MAPK8IP3: variants seen among roughly 807,000 people sequenced by gnomAD.
MAPK8IP3 encodes the protein C-Jun-amino-terminal kinase-interacting protein 3.
Under a neutral mutation model 157.8 loss-of-function variants are expected in MAPK8IP3, and 49 were observed. That is an observed-to-expected ratio of 0.31 (90% CI 0.25 to 0.39). MAPK8IP3 has a LOEUF of 0.39. Among genes scored for constraint, MAPK8IP3 ranks in the 10% least tolerant of loss-of-function variants. MAPK8IP3 has a pLI of 1.00. For missense variants in MAPK8IP3, 1,478 were observed against 1,889.4 expected (o/e 0.78, Z 4.04); for synonymous variants, 897 against 777.7 (o/e 1.15, Z -2.55).
chr16:1,764,427 A>G lies in MAPK8IP3; in HGVS notation c.2248A>G (p.Lys750Glu), dbSNP rs2042137171. Residue 750 changes from lysine (K) to glutamate (E), a missense_variant, in exon 19 of 32, where the codon AAG (lysine) becomes GAG (glutamate). Around this residue, in one of 11 missense-constraint regions of MAPK8IP3, gnomAD observed 669 missense variants for 759.8 expected, o/e 0.88. Transcript: ENST00000610761. ...CGACCGCGAAGGAGACGGCGAGCCC[A>G]AGAGCGCCCACACGTCTCCCGAGAA... ...TCDREGDGEP[K>E]SAHTSPEKKK... The G allele has an allele frequency of 6.2e-7, 1 of 1,607,714 alleles. No individual in the cohort carries two copies. The highest frequency in any genetic ancestry group is 1.3e-5 in the African/African-American group (1 of 74,850).
rs560828179 is a variant in MAPK8IP3, at chr16:1,766,380, G to A, written c.2790G>A (p.Pro930=). 591 of 1,611,668 alleles carry A rather than the reference G, an allele frequency of 3.7e-4. 4 individuals carry two copies. The South Asian group carries it at 5.9e-3, about 16-fold the overall frequency. Residue 930 remains proline, a synonymous_variant, in exon 22 of 32, where the codon CCG becomes CCA. Transcript: ENST00000610761. The stretch of plus-strand genomic sequence containing the variant: ...AGCACGTCTTCACTGACCCAGCCCC[G>A]ACCCCGTCCTCTGGCCCCCAGCCTG... ...LTEHVFTDPA[P]TPSSGPQPGS...
intron 8 of MAPK8IP3, chr16:1,752,387 C>T: frequency 3.8e-6 from 1 of 260,816 alleles, no homozygotes; most frequent in Non-Finnish European, 7.8e-6. Flanking sequence ...GCACGACAGG[C>T]TGCTCTTGGG....
Position 1,724,680 on chromosome 16 carries a change from A to G in MAPK8IP3, c.439+3A>G. 1 of 1,609,814 alleles carries G rather than the reference A, an allele frequency of 6.2e-7. No homozygotes were observed. The highest frequency in any genetic ancestry group is 8.5e-7 in the Non-Finnish European group (1 of 1,177,130). The stretch of plus-strand genomic sequence containing the variant: ...GGCCAAGAACTATGCCGATCAGAGT[A>G]AGTGGCTGGCGGGAGCCTGGAGGCG... On this transcript the variant is annotated splice_donor_region_variant and intron_variant, in intron 2 of 31. Coordinates refer to ENST00000610761, the MANE Select transcript of MAPK8IP3 (RefSeq NM_001318852.2). The surrounding 1 kb of genome is among the most constrained non-coding windows in gnomAD (Gnocchi z 4.1).
intron 1 of MAPK8IP3, among the ~76,000 whole-genome samples, chr16:1,721,322 A>T (rs1314646781): frequency 6.6e-6 from 1 of 150,772 alleles, no homozygotes; most frequent in Non-Finnish European, 1.5e-5. Context: ...AAAAAAAAAA[A>T]AAAATCCTTT....
At chr16:1,764,246 C>G (rs1011344275) in intron 18 of MAPK8IP3, 36 bp downstream of exon 18, 3 of 1,600,364 alleles carry the variant, frequency 1.9e-6, no homozygotes, top group African/African-American at 2.7e-5. Flanking sequence ...GCTGGCTGGG[C>G]GAGCGGGAGG....
At chr16:1,729,443 A>AG (rs34520001) in intron 3 of MAPK8IP3, 44 bp from the exon 4 acceptor site, 172,260 of 1,550,450 alleles carry the variant, frequency 0.11, 11,404 homozygotes, top group African/African-American at 0.31. Context: ...GGACGGAGAC[A>AG]GCCCCCCACG....
At chr16:1,733,247 G>A (rs2039432367) in intron 4 of MAPK8IP3, among the ~76,000 whole-genome samples, 1 of 152,114 alleles carries the variant, frequency 6.6e-6, no homozygotes, top group South Asian at 2.1e-4. Context: ...CTGGGCAGGA[G>A]GAGCCCAGCA....
At position 1,763,768 on chromosome 16, in the gene MAPK8IP3, C is replaced by G. The variant is rs775668375; in HGVS notation, c.2010C>G (p.Pro670=). ...TGCAGGCCTGCGGCTGGAGCCTGCC[C>G]GCCAAGTACAAGCAGGTGCGGGCGG... ...GRLQACGWSL[P]AKYKQLSPNG... is the part of the protein sequence containing the mutation. The change falls in exon 17 of 32, where the codon CCC becomes CCG. Residue 670 remains proline (P), a synonymous_variant. Coordinates refer to ENST00000610761, the MANE Select transcript of MAPK8IP3 (RefSeq NM_001318852.2). 88 of 1,576,782 alleles carry G rather than the reference C, an allele frequency of 5.6e-5. No homozygotes were observed. Among genetic ancestry groups the G allele is most frequent in the Middle Eastern group, 1.7e-4 (1 of 5,998 alleles).
rs779535222 is a variant in MAPK8IP3, at chr16:1,768,564, G to A, written c.3830G>A (p.Gly1277Asp). The change falls in exon 31 of 32, where the codon GGC becomes GAC. Residue 1277 changes from glycine to aspartate, a missense_variant. Gly to Asp is a moderately conservative substitution (Grantham distance 94, BLOSUM62 -1). Coordinates refer to ENST00000610761, the MANE Select transcript of MAPK8IP3 (RefSeq NM_001318852.2). ...GCTGCCCCTGCCTCGGAGGTCGAGG[G>A]CCAGAAGCTGCGGAACGTGCTGGTG... ...GPAAPASEVE[G>D]QKLRNVLVLS... 1 of 1,579,018 alleles carries A rather than the reference G, an allele frequency of 6.3e-7. No homozygotes were observed. The highest frequency in any genetic ancestry group is 2.3e-5 in the East Asian group (1 of 43,132).
At position 1,739,332 on chromosome 16, in the gene MAPK8IP3, G is replaced by T. The variant is rs535005124; in HGVS notation, c.603-4000G>T. Among the ~76,000 whole-genome samples, 4 of 139,086 alleles carry T rather than the reference G, an allele frequency of 2.9e-5. No homozygotes were observed. In the East Asian group the frequency reaches 9.2e-4, roughly 32 times the overall value. The allele number at this position is 139,086 out of a possible 152,430, so 91.2% of individuals were successfully genotyped here. A position where few individuals can be genotyped will look rare whatever the true frequency, so the allele number is the denominator to read the frequency against. On this transcript the variant is annotated intron_variant, in intron 4 of 31. Coordinates refer to ENST00000610761, the MANE Select transcript of MAPK8IP3 (RefSeq NM_001318852.2). ...TGTGAGTGTGTGACCATCCGTGTGA[G>T]AGTGTGACCATCCATGTGAGCATCC...
At position 1,765,940 on chromosome 16, in the gene MAPK8IP3, C is replaced by A; in HGVS notation, c.2447-20C>A. On this transcript the variant is annotated intron_variant, in intron 20 of 31. Transcript: ENST00000610761. ...TAGTGGGTTCCCCCGCACAGGCTGA[C>A]GGGCCGTCCCTCTCCCCAGCGGCCA... 6.3e-7 allele frequency: 1 copy of A among 1,597,012 alleles called. No individual in the cohort carries two copies. Among genetic ancestry groups the A allele is most frequent in the South Asian group, 1.1e-5 (1 of 89,346 alleles).
intron 2 of MAPK8IP3, among the ~76,000 whole-genome samples, chr16:1,726,093 T>A (rs992961445): frequency 6.6e-6 from 1 of 152,222 alleles, no homozygotes; most frequent in Admixed American, 6.5e-5. Context: ...AGAAACTGTT[T>A]TGATATGTTA....
intron 5 of MAPK8IP3, chr16:1,744,622 G>C: frequency 1.0e-6 from 1 of 985,590 alleles, no homozygotes; most frequent in South Asian, 4.7e-5. Context: ...CCCGGGCCTG[G>C]AGCTGGGACC....
chr16:1,729,693 A>G, intron 4 of MAPK8IP3, 115 bp downstream of exon 4: 3 of 967,218 alleles, frequency 3.1e-6, no homozygotes, highest in Non-Finnish European at 1.6e-6. Flanking sequence ...TGGGCTCAGG[A>G]CGACAGGGAA....
intron 22 of MAPK8IP3, 23 bp downstream of exon 22, chr16:1,766,432 G>A (rs1291119793): frequency 3.1e-6 from 5 of 1,606,608 alleles, no homozygotes; most frequent in Middle Eastern, 1.7e-4. Context: ...GCTGGGGCAG[G>A]AGCAGAGGGA....
chr16:1,739,486 A>ACC, intron 4 of MAPK8IP3, among the ~76,000 whole-genome samples: 1 of 48,826 alleles, frequency 2.0e-5, no homozygotes, highest in Non-Finnish European at 3.7e-5. Flanking sequence ...CCGTGTGAGC[A>ACC]TGTGTGACCG....
Position 1,764,139 on chromosome 16 carries a change from G to T in MAPK8IP3, c.2050G>T (p.Asp684Tyr), listed in dbSNP as rs1212146981. 2.5e-6 allele frequency: 4 copies of T among 1,611,072 alleles called. No individual in the cohort carries two copies. The highest frequency in any genetic ancestry group is 3.4e-6 in the Non-Finnish European group (4 of 1,179,310). Residue 684 changes from aspartate to tyrosine, a missense_variant, in exon 18 of 32, where the codon GAC (aspartate) becomes TAC (tyrosine). Transcript: ENST00000610761. ...KQLSPNGGQE[D>Y]TRMKNVPVPV... The stretch of plus-strand genomic sequence containing the variant: ...GCTGAGTCCCAACGGGGGCCAGGAG[G>T]ACACGCGGATGAAGAACGTGCCGGT...
chr16:1,727,597 G>C (rs562349173), intron 2 of MAPK8IP3, among the ~76,000 whole-genome samples: 1 of 152,260 alleles, frequency 6.6e-6, no homozygotes, highest in Non-Finnish European at 1.5e-5. Flanking sequence ...GTGCGTGTGA[G>C]GTGCTGTGTC....
intron 2 of MAPK8IP3, among the ~76,000 whole-genome samples, chr16:1,727,424 CAT>C (rs200210350): frequency 0.015 from 2,339 of 152,132 alleles, 26 homozygotes; most frequent in Non-Finnish European, 0.023. Context: ...CTGTGAGTCA[CAT>C]GTGTCACGTG....
Sources: allele counts gnomAD v4.1 joint callset (sites outside exome capture counted in the v4.1 genomes callset), GRCh38; gene constraint gnomAD v4.1.1; regional missense constraint gnomAD v4.1.1; non-coding constraint Gnocchi (gnomAD v3.1); transcripts MANE v1.5; gene names NCBI Gene and HGNC (gene_info 2026-07-23, HGNC 2026-07-21).